The following MYADM variants were observed in gnomAD, a reference collection of about 807,000 sequenced individuals.
MYADM encodes myeloid-associated differentiation marker.
For missense variants in MYADM, 416 were observed against 443.4 expected, an observed-to-expected ratio of 0.94 and a Z score of 0.56; for synonymous variants, 224 against 210.2, an observed-to-expected ratio of 1.07 and a Z score of -0.57.
upstream of MYADM, chr19:53,865,944 T>G (rs2068239803): frequency 6.6e-6 from 1 of 152,204 alleles, no homozygotes; most frequent in African/African-American, 2.4e-5. Context: ...CCCTCCCTCC[T>G]TGGACAAGGA....
intron 2 of MYADM, among the ~76,000 whole-genome samples, chr19:53,871,178 T>C (rs898083017): frequency 1.3e-5 from 2 of 151,518 alleles, no homozygotes; most frequent in African/African-American, 2.4e-5. Context: ...TTGCCGTGAG[T>C]CAAGATCGCA....
chr19:53,874,089 T>C lies in MYADM; in HGVS notation c.560T>C (p.Ile187Thr). Residue 187 changes from isoleucine to threonine, a missense_variant, in exon 3 of 3, where the codon ATC (isoleucine) becomes ACC (threonine). Physicochemically the swap from Ile to Thr is moderately conservative, Grantham distance 89 (BLOSUM62 -1). Transcript: ENST00000391770. The stretch of plus-strand genomic sequence containing the variant: ...CTGGAGACCTTCGTTGCCTGCATCA[T>C]CTTCGCGTTCATCAGCGACCCCAAC... ...KVLETFVACI[I>T]FAFISDPNLY... is the part of the protein sequence containing the mutation. 6.2e-7 allele frequency: 1 copy of C among 1,612,050 alleles called. No homozygotes were observed. The highest frequency in any genetic ancestry group is 8.5e-7 in the Non-Finnish European group (1 of 1,180,016).
At position 53,873,845 on chromosome 19, in the gene MYADM, G is replaced by A. The variant is rs1216851605; in HGVS notation, c.316G>A (p.Ala106Thr). The A allele has an allele frequency of 1.9e-6, 3 of 1,613,524 alleles. No homozygotes were observed. The highest frequency in any genetic ancestry group is 2.2e-5 in the East Asian group (1 of 44,870). The stretch of plus-strand genomic sequence containing the variant: ...TTGGCGCAACTTCCCCATCACCTTC[G>A]CCTGCTATGCGGCCCTCTTCTGCCT... ...LSWRNFPITF[A>T]CYAALFCLSA... The change falls in exon 3 of 3, where the codon GCC becomes ACC. Residue 106 changes from alanine (A) to threonine (T), a missense_variant. Ala to Thr is a moderately conservative substitution (Grantham distance 58, BLOSUM62 0). Coordinates refer to ENST00000391770, the MANE Select transcript of MYADM (RefSeq NM_138373.5). The surrounding 1 kb of genome is among the most constrained non-coding windows in gnomAD (Gnocchi z 4.3).
chr19:53,874,007 G>C lies in MYADM; in HGVS notation c.478G>C (p.Ala160Pro). The change falls in exon 3 of 3, where the codon GCC (alanine) becomes CCC (proline). Residue 160 changes from alanine (A) to proline (P), a missense_variant. Physicochemically the swap from Ala to Pro is conservative, Grantham distance 27 (BLOSUM62 -1). Coordinates refer to ENST00000391770, the MANE Select transcript of MYADM (RefSeq NM_138373.5). ...CGCCACCGAAGTGGCCTGGACCCGG[G>C]CCCGGCCCGGCGAGATCACTGGCTA... ...AYATEVAWTR[A>P]RPGEITGYMA... 6.2e-7 allele frequency: 1 copy of C among 1,608,416 alleles called. No individual in the cohort carries two copies. The highest frequency in any genetic ancestry group is 1.1e-5 in the South Asian group (1 of 91,084).
intron 2 of MYADM, among the ~76,000 whole-genome samples, chr19:53,870,971 C>G (rs2068372451): frequency 6.6e-6 from 1 of 152,202 alleles, no homozygotes; most frequent in African/African-American, 2.4e-5. Flanking sequence ...TGGCTCATGC[C>G]TGTAATCCCA....
At chr19:53,870,388 G>T (rs543449185) in intron 2 of MYADM, among the ~76,000 whole-genome samples, 30 of 119,386 alleles carry the variant, frequency 2.5e-4, no homozygotes, top group Non-Finnish European at 4.2e-4. Context: ...TGGGCTCCTG[G>T]GTCTGAGGGA....
Position 53,875,214 on chromosome 19 carries a change from G to A in MYADM, c.*716G>A, listed in dbSNP as rs7409372. The stretch of plus-strand genomic sequence containing the variant: ...TCAGTGTGTACGTGTGTGTGTGTGT[G>A]TGTGTGTGTGTGTGTGTTTGGGGGG... On this transcript the variant is annotated 3_prime_UTR_variant, in exon 3 of 3. Coordinates refer to ENST00000391770, the MANE Select transcript of MYADM (RefSeq NM_138373.5). 2 of 22,648 alleles carry A rather than the reference G, an allele frequency of 8.8e-5. No homozygotes were observed. Among genetic ancestry groups the A allele is most frequent in the Non-Finnish European group, 1.2e-3 (1 of 816 alleles). 1.4% of individuals were successfully genotyped at this position (22,648 alleles called of 1,614,324 possible).
intron 2 of MYADM, among the ~76,000 whole-genome samples, chr19:53,870,670 G>A (rs2068365974): frequency 6.6e-6 from 1 of 152,184 alleles, no homozygotes; most frequent in South Asian, 2.1e-4. Flanking sequence ...AGTGCCTGAA[G>A]CTGAAAGGAG....
At position 53,868,483 on chromosome 19, in the gene MYADM, G is replaced by A. The variant is rs2068285534; in HGVS notation, c.-88+540G>A. ...GAATTACTGACCCCTCCCCATCCAG[G>A]GGACAGACAGAATCGGAACTTTGGG... On this transcript the variant is annotated intron_variant, in intron 1 of 2. Coordinates refer to ENST00000391770, the MANE Select transcript of MYADM (RefSeq NM_138373.5). The surrounding 1 kb of genome is among the most constrained non-coding windows in gnomAD (Gnocchi z 6.3). Among the ~76,000 whole-genome samples the A allele has an allele frequency of 6.6e-6, 1 of 151,880 alleles. No individual in the cohort carries two copies. Among genetic ancestry groups the A allele is most frequent in the Non-Finnish European group, 1.5e-5 (1 of 67,950 alleles).
In MYADM at chr19:53,874,005, G is replaced by A. The variant is rs1391695012; in HGVS notation, c.476G>A (p.Arg159Gln). 2 of 1,608,682 alleles carry A rather than the reference G, an allele frequency of 1.2e-6. No individual in the cohort carries two copies. The highest frequency in any genetic ancestry group is 1.7e-6 in the Non-Finnish European group (2 of 1,180,000). ...VAYATEVAWT[R>Q]ARPGEITGYM... is the part of the protein sequence containing the mutation. ...TACGCCACCGAAGTGGCCTGGACCC[G>A]GGCCCGGCCCGGCGAGATCACTGGC... Residue 159 changes from arginine (R) to glutamine (Q), a missense_variant, in exon 3 of 3, where the codon CGG becomes CAG. By Grantham distance (43) the Arg-to-Gln change is conservative. Transcript: ENST00000391770.
upstream of MYADM, among the ~76,000 whole-genome samples, chr19:53,867,179 G>T (rs575902834): frequency 9.8e-5 from 15 of 152,290 alleles, no homozygotes; most frequent in South Asian, 2.5e-3. Flanking sequence ...GCATTTTGCC[G>T]CCCCTTCAAG....
In MYADM at chr19:53,874,559, C is replaced by G; in HGVS notation, c.*61C>G. The G allele has an allele frequency of 2.0e-6, 3 of 1,502,672 alleles. No individual in the cohort carries two copies. Among genetic ancestry groups the G allele is most frequent in the Non-Finnish European group, 2.7e-6 (3 of 1,125,098 alleles). The allele number at this position is 1,502,672 out of a possible 1,614,324, so 93.1% of individuals were successfully genotyped here. On this transcript the variant is annotated 3_prime_UTR_variant, in exon 3 of 3. Coordinates refer to ENST00000391770, the MANE Select transcript of MYADM (RefSeq NM_138373.5). ...TCTTTGTTCTTCTTGCCCGAGTTTT[C>G]TTTATGGAGTACTTCTTTCCTCCGC...
In MYADM at chr19:53,873,561, C is replaced by T; in HGVS notation, c.32C>T (p.Thr11Ile). 1.2e-6 allele frequency: 2 copies of T among 1,609,848 alleles called. No homozygotes were observed. The highest frequency in any genetic ancestry group is 8.5e-7 in the Non-Finnish European group (1 of 1,177,160). ...GTGACGGTAACCCGCACCACCATCA[C>T]AACCACCACGACGTCATCTTCGGGC... MPVTVTRTTI[T>I]TTTTSSSGLG... The change falls in exon 3 of 3, where the codon ACA becomes ATA. Residue 11 changes from threonine (T) to isoleucine (I), a missense_variant. Thr to Ile is a moderately conservative substitution (Grantham distance 89). Transcript: ENST00000391770. The surrounding 1 kb of genome is among the most constrained non-coding windows in gnomAD (Gnocchi z 4.3).
At position 53,867,884 on chromosome 19, in the gene MYADM, G is replaced by A. The variant is rs997615795; in HGVS notation, c.-147G>A. ...GCCCTCCAACCCCACCCAGCCCTCA[G>A]ACCCTTCCAGCTGCCGCTGTCGTCT... On this transcript the variant is annotated 5_prime_UTR_variant, in exon 1 of 3. Coordinates refer to ENST00000391770, the MANE Select transcript of MYADM (RefSeq NM_138373.5). The A allele has an allele frequency of 4.8e-5, 7 of 145,540 alleles. No homozygotes were observed. The highest frequency in any genetic ancestry group is 1.7e-4 in the African/African-American group (7 of 40,016). 9.0% of individuals were successfully genotyped at this position (145,540 alleles called of 1,614,324 possible).
Position 53,874,603 on chromosome 19 carries a change from T to G in MYADM, c.*105T>G. The G allele has an allele frequency of 7.4e-7, 1 of 1,358,592 alleles. No individual in the cohort carries two copies. Among genetic ancestry groups the G allele is most frequent in the South Asian group, 1.6e-5 (1 of 64,202 alleles). The allele number at this position is 1,358,592 out of a possible 1,614,324, so 84.2% of individuals were successfully genotyped here. ...CCTCCGCCTTTCCTCTGTTTTCCTC[T>G]TCCTGTCTCCCCTCCCTCCCACCTT... On this transcript the variant is annotated 3_prime_UTR_variant, in exon 3 of 3. Transcript: ENST00000391770.
At chr19:53,869,868 G>T (rs2068329374) in intron 2 of MYADM, 30 bp downstream of exon 2, 1 of 154,542 alleles carries the variant, frequency 6.5e-6, no homozygotes, top group Non-Finnish European at 1.5e-5. Context: ...GGACTCCGGG[G>T]TCCGAGGGAG....
rs903484377 is a variant in MYADM at position 53,876,213 on chromosome 19, G to A, written c.*1715G>A. On this transcript the variant is annotated 3_prime_UTR_variant, in exon 3 of 3. Transcript: ENST00000391770. The stretch of plus-strand genomic sequence containing the variant: ...GCACGGGTGTTTCTGTGTGCTAGTT[G>A]CTTCTTGCTGCTGCTTCCTGCTTGT... 1.2e-5 allele frequency: 2 copies of A among 165,514 alleles called. No homozygotes were observed. The highest frequency in any genetic ancestry group is 4.9e-5 in the African/African-American group (2 of 41,108). The allele number at this position is 165,514 out of a possible 1,614,324, so 10.3% of individuals were successfully genotyped here. A position where few individuals can be genotyped will look rare whatever the true frequency, so the allele number is the denominator to read the frequency against.
In MYADM at chr19:53,873,674, G is replaced by C. The variant is rs755445108; in HGVS notation, c.145G>C (p.Val49Leu). The C allele has an allele frequency of 9.3e-6, 15 of 1,614,100 alleles. No individual in the cohort carries two copies. The highest frequency in any genetic ancestry group is 9.3e-6 in the Non-Finnish European group (11 of 1,180,002). ...LRLLQLVSTC[V>L]AFSLVASVGA... is the part of the protein sequence containing the mutation. ...CCTGCTGCAGCTGGTGTCTACCTGC[G>C]TGGCCTTCTCGCTGGTGGCTAGCGT... Residue 49 changes from valine (V) to leucine (L), a missense_variant, in exon 3 of 3, where the codon GTG becomes CTG. Physicochemically the swap from Val to Leu is conservative, Grantham distance 32 (BLOSUM62 1). Transcript: ENST00000391770. The surrounding 1 kb of genome is among the most constrained non-coding windows in gnomAD (Gnocchi z 4.3).
rs904763656 is a variant in MYADM, at chr19:53,868,733, G to T, written c.-88+790G>T. 2.6e-5 allele frequency among the ~76,000 whole-genome samples: 4 copies of T among 152,258 alleles called. No homozygotes were observed. In the East Asian group the frequency reaches 5.8e-4, roughly 22 times the overall value. Reference sequence around the variant, plus strand: ...GGCTGGGTGTGGCCCGGAGAGTCGGGTGCGCTGCGAGGAATCCCGGAGGGG... The same window carrying T: ...GGCTGGGTGTGGCCCGGAGAGTCGGTTGCGCTGCGAGGAATCCCGGAGGGG... On this transcript the variant is annotated intron_variant, in intron 1 of 2. Transcript: ENST00000391770. This position sits in a 1 kb window ranked among gnomAD's most constrained non-coding sequence, Gnocchi z 6.3.
Sources: allele counts gnomAD v4.1 joint callset (sites outside exome capture counted in the v4.1 genomes callset), GRCh38; gene constraint gnomAD v4.1.1; non-coding constraint Gnocchi (gnomAD v3.1); transcripts MANE v1.5; gene names NCBI Gene and HGNC (gene_info 2026-07-23, HGNC 2026-07-21).